P2RY14: variants seen among roughly 807,000 people sequenced by gnomAD.
P2RY14 encodes P2Y purinoceptor 14.
A neutral mutation model predicts 0.9 loss-of-function variants in P2RY14; 2 were observed. That is an observed-to-expected ratio of 2.16 (90% CI 0.88 to 6.79). P2RY14 has a LOEUF of 6.79. P2RY14 is among the 30% of genes most tolerant of loss of function. The pLI is 0.05. For synonymous variants in P2RY14, 158 were observed against 147.2 expected (o/e 1.07, Z -0.53); for missense variants, 378 against 400.1 (o/e 0.94, Z 0.47).
intron 1 of P2RY14, among the ~76,000 whole-genome samples, chr3:151,228,920 G>A (rs956190354): frequency 6.6e-6 from 1 of 152,030 alleles, no homozygotes; most frequent in Non-Finnish European, 1.5e-5. Flanking sequence ...ACCTCTTTTC[G>A]CCTCACTGAG....
At position 151,238,232 on chromosome 3, in the gene P2RY14, C is replaced by T. The variant is rs577922586; in HGVS notation, c.-132-18590G>A. Among the ~76,000 whole-genome samples, 675 of 152,076 alleles carry T rather than the reference C, an allele frequency of 4.4e-3. 4 individuals carry two copies. Among genetic ancestry groups the T allele is most frequent in the African/African-American group, 0.015 (628 of 41,476 alleles). On this transcript the variant is annotated intron_variant, in intron 1 of 2. Coordinates refer to ENST00000309170, the MANE Select transcript of P2RY14 (RefSeq NM_014879.4). ...CACTATCTTGGCTCACTGCATCCTC[C>T]GCCTCCCAGGTTCAAGCAATTCTCC...
At chr3:151,258,780 A>G (rs575120536) in intron 1 of P2RY14, among the ~76,000 whole-genome samples, 1 of 142,560 alleles carries the variant, frequency 7.0e-6, no homozygotes, top group Admixed American at 7.4e-5. Flanking sequence ...TGAACTTGGG[A>G]GGTGGAGGTT....
At chr3:151,248,170 G>A (rs1032523825) in intron 1 of P2RY14, among the ~76,000 whole-genome samples, 2 of 151,812 alleles carry the variant, frequency 1.3e-5, no homozygotes, top group South Asian at 2.1e-4. Flanking sequence ...AATGTTTAAC[G>A]CTCAGAGGAA....
Position 151,215,159 on chromosome 3 carries a change from A to G in P2RY14, c.-24-819T>C, listed in dbSNP as rs914886861. Among the ~76,000 whole-genome samples the G allele has an allele frequency of 2.0e-4, 31 of 152,168 alleles. 1 individual carries two copies. The highest frequency in any genetic ancestry group is 6.3e-4 in the African/African-American group (26 of 41,506). On this transcript the variant is annotated intron_variant, in intron 2 of 2. Transcript: ENST00000309170. ...AAACTGATTTGCATTATTTTAATAAATTAGAATACAAATACAAACAAATGA... is the reference window on the plus strand; with the variant it reads ...AAACTGATTTGCATTATTTTAATAAGTTAGAATACAAATACAAACAAATGA...
chr3:151,262,634 G>A (rs1739120109), intron 1 of P2RY14, among the ~76,000 whole-genome samples: 1 of 152,158 alleles, frequency 6.6e-6, no homozygotes, highest in Admixed American at 6.6e-5. Context: ...AAATACATTA[G>A]AAAATACAGA....
intron 1 of P2RY14, among the ~76,000 whole-genome samples, chr3:151,223,771 AG>A (rs1464149587): frequency 6.6e-6 from 1 of 152,218 alleles, no homozygotes; most frequent in African/African-American, 2.4e-5. Flanking sequence ...GTTCACTAGA[AG>A]CCCAAAAGCT....
intron 1 of P2RY14, among the ~76,000 whole-genome samples, chr3:151,227,320 G>T (rs973034693): frequency 3.9e-5 from 6 of 152,086 alleles, no homozygotes; most frequent in Admixed American, 2.6e-4. Flanking sequence ...ATTCCCTCTT[G>T]ATCTTCGTAT....
intron 1 of P2RY14, among the ~76,000 whole-genome samples, chr3:151,258,548 T>TA (rs1738256428): frequency 6.6e-6 from 1 of 152,316 alleles, no homozygotes; most frequent in African/African-American, 2.4e-5. Context: ...GCTAAATCTC[T>TA]AGGGCTGTGG....
intron 1 of P2RY14, among the ~76,000 whole-genome samples, chr3:151,240,157 G>T (rs16863276): frequency 6.6e-6 from 1 of 151,912 alleles, no homozygotes; most frequent in Non-Finnish European, 1.5e-5. Flanking sequence ...GAGTGGCCCC[G>T]TTTTTTAGAG....
chr3:151,249,711 A>G (rs934407931), intron 1 of P2RY14, among the ~76,000 whole-genome samples: 2 of 152,088 alleles, frequency 1.3e-5, no homozygotes, highest in Non-Finnish European at 2.9e-5. Context: ...TCCTTGACTT[A>G]AATCTGGTTT....
chr3:151,261,685 G>GTGTTT (rs10627724), intron 1 of P2RY14, among the ~76,000 whole-genome samples: 36,802 of 148,498 alleles, frequency 0.25, 4,738 homozygotes, highest in South Asian at 0.3. Flanking sequence ...GTGGTACGTG[G>GTGTTT]TGTTTTGTTT....
intron 2 of P2RY14, among the ~76,000 whole-genome samples, chr3:151,218,443 T>A (rs765711811): frequency 6.6e-6 from 1 of 152,248 alleles, no homozygotes; most frequent in Non-Finnish European, 1.5e-5. Flanking sequence ...TTACTTCTGG[T>A]ATTATCACTG....
chr3:151,249,625 C>T (rs994431568), intron 1 of P2RY14, among the ~76,000 whole-genome samples: 2 of 152,158 alleles, frequency 1.3e-5, no homozygotes, highest in African/African-American at 4.8e-5. Flanking sequence ...AGTACCTCTT[C>T]TACTCCATCT....
intron 1 of P2RY14, among the ~76,000 whole-genome samples, chr3:151,236,717 C>A (rs1732894507): frequency 6.6e-6 from 1 of 152,094 alleles, no homozygotes; most frequent in African/African-American, 2.4e-5. Flanking sequence ...TGTATGTAAT[C>A]TCTTCATGAT....
At chr3:151,267,691 AAGTC>A (rs910846272) in intron 1 of P2RY14, among the ~76,000 whole-genome samples, 1 of 152,096 alleles carries the variant, frequency 6.6e-6, no homozygotes, top group Middle Eastern at 3.2e-3. Flanking sequence ...TTATATATAT[AAGTC>A]AGTTTTCAAC....
chr3:151,223,863 CTA>C (rs1729920208), intron 1 of P2RY14, among the ~76,000 whole-genome samples: 2 of 152,200 alleles, frequency 1.3e-5, no homozygotes, highest in African/African-American at 4.8e-5. Context: ...AGAACATTGC[CTA>C]CTCCTGGGGA....
intron 1 of P2RY14, among the ~76,000 whole-genome samples, chr3:151,235,871 A>G (rs895054701): frequency 1.3e-5 from 2 of 152,062 alleles, no homozygotes; most frequent in East Asian, 3.9e-4. Flanking sequence ...GGCATCTAAC[A>G]TAGCCATTCC....
intron 1 of P2RY14, among the ~76,000 whole-genome samples, 191 bp downstream of exon 1, chr3:151,278,096 A>G (rs1402641259): frequency 6.6e-6 from 1 of 152,236 alleles, no homozygotes; most frequent in Non-Finnish European, 1.5e-5. Flanking sequence ...TTGGATCCCC[A>G]TATTAGCATG....
intron 1 of P2RY14, among the ~76,000 whole-genome samples, chr3:151,260,133 G>A (rs1738583474): frequency 6.6e-6 from 1 of 152,166 alleles, no homozygotes; most frequent in South Asian, 2.1e-4. Context: ...CAGATCATGA[G>A]TGTGTTTCAG....
Sources: gnomAD v4.1 joint callset for allele counts (sites outside exome capture counted in the v4.1 genomes callset) on GRCh38, gnomAD v4.1.1 for gene constraint, MANE v1.5 for transcripts, NCBI Gene and HGNC (gene_info 2026-07-23, HGNC 2026-07-21) for gene names.